The following RPN2 variants were observed in gnomAD, a reference collection of about 807,000 sequenced individuals.
RPN2 encodes the protein dolichyl-diphosphooligosaccharide--protein glycosyltransferase subunit 2.
A neutral mutation model predicts 71.4 loss-of-function variants in RPN2; 29 were observed. The ratio of observed to expected loss-of-function variants is 0.41; its 90% CI spans 0.30 to 0.55. The LOEUF is 0.55. Ranked by LOEUF, RPN2 falls within the 20% of genes least tolerant of loss-of-function variation. The pLI is 0.35. For missense variants in RPN2, 726 were observed against 774.1 expected (o/e 0.94, Z 0.74); for synonymous variants, 308 against 305.0 (o/e 1.01, Z -0.10).
intron 16 of RPN2, among the ~76,000 whole-genome samples, chr20:37,240,626 AG>A (rs938439006): frequency 6.6e-6 from 1 of 152,214 alleles, no homozygotes; most frequent in African/African-American, 2.4e-5. Context: ...CAGTCTGTCT[AG>A]ATTGTCATTT....
Position 37,194,153 on chromosome 20 carries a change from G to A in RPN2, c.208-4244G>A, listed in dbSNP as rs1011976970. On this transcript the variant is annotated intron_variant, in intron 2 of 16. Transcript: ENST00000237530. The stretch of plus-strand genomic sequence containing the variant: ...TGCCACTGGCCTGCTGGGGGCAGAA[G>A]CCAAATTGGAATGAGTGGAGGTGAG... 6.6e-5 allele frequency among the ~76,000 whole-genome samples: 10 copies of A among 152,330 alleles called. No individual in the cohort carries two copies. In the East Asian group the frequency reaches 1.9e-3, roughly 29 times the overall value.
chr20:37,232,490 C>A, intron 14 of RPN2, 99 bp downstream of exon 14: 1 of 1,404,282 alleles, frequency 7.1e-7, no homozygotes, highest in Non-Finnish European at 1.0e-6. Context: ...CTCAGTAAAG[C>A]TCCAGAGGGG....
At chr20:37,221,274 C>A (rs2067950917) in intron 9 of RPN2, among the ~76,000 whole-genome samples, 1 of 150,996 alleles carries the variant, frequency 6.6e-6, no homozygotes, top group Admixed American at 6.6e-5. Context: ...TGGCTCACTG[C>A]AACCTCTGCC....
In RPN2 at chr20:37,210,101, G is replaced by C; in HGVS notation, c.922G>C (p.Glu308Gln). ...QPLTQATVKL[E>Q]HAKSVASRAT... ...TCTGACTCAGGCCACTGTTAAACTA[G>C]AACATGCTAAATCTGTTGCTTCCAG... Residue 308 changes from glutamate to glutamine, a missense_variant, in exon 8 of 17, where the codon GAA becomes CAA. Coordinates refer to ENST00000237530, the MANE Select transcript of RPN2 (RefSeq NM_002951.5). 1 of 1,614,110 alleles carries C rather than the reference G, an allele frequency of 6.2e-7. No individual in the cohort carries two copies. Among genetic ancestry groups the C allele is most frequent in the East Asian group, 2.2e-5 (1 of 44,892 alleles).
At chr20:37,217,399 T>C (rs2342978) in intron 9 of RPN2, among the ~76,000 whole-genome samples, 109,978 of 150,968 alleles carry the variant, frequency 0.73, 40,440 homozygotes, top group Middle Eastern at 0.85. Context: ...TTCAAGTGAT[T>C]TTCCTGCCTC....
At chr20:37,204,973 A>G in intron 6 of RPN2, 72 bp downstream of exon 6, 1 of 1,606,316 alleles carries the variant, frequency 6.2e-7, no homozygotes, top group Non-Finnish European at 8.5e-7. Flanking sequence ...GATGGCTTTT[A>G]TCAGAGAGGA....
chr20:37,239,790 A>C (rs2068504636), intron 16 of RPN2, among the ~76,000 whole-genome samples: 7 of 149,362 alleles, frequency 4.7e-5, no homozygotes, highest in East Asian at 2.0e-4. Flanking sequence ...TCCCACCCCC[A>C]CTCCCTGGCT....
intron 14 of RPN2, 32 bp downstream of exon 14, chr20:37,232,423 C>T: frequency 3.1e-6 from 5 of 1,611,512 alleles, no homozygotes; most frequent in East Asian, 2.2e-5. Flanking sequence ...GGGCAGCATG[C>T]GTCTGGCGCC....
rs1328727989 is a variant in RPN2 at position 37,207,308 on chromosome 20, CAAG to C, written c.732_734del (p.Lys244del). 8.7e-6 allele frequency: 14 copies of C among 1,613,924 alleles called. No individual in the cohort carries two copies. Among genetic ancestry groups the C allele is most frequent in the African/African-American group, 8.0e-5 (6 of 74,940 alleles). On this transcript the variant is annotated inframe_deletion, in exon 7 of 17. Transcript: ENST00000237530. ...TCCAGCTGATGAACGCGATCTTCAG[CAAG>C]AAGAACTTTGAGTCCCTCTCCGAAG... is the stretch of plus-strand genomic sequence containing the variant.
At chr20:37,204,678 A>C in intron 5 of RPN2, 89 bp from the exon 6 acceptor site, 1 of 1,393,720 alleles carries the variant, frequency 7.2e-7, no homozygotes, top group Admixed American at 1.7e-5. Context: ...AGATGTCACG[A>C]AGCTGTCTGC....
intron 9 of RPN2, among the ~76,000 whole-genome samples, chr20:37,218,628 C>G (rs1466829770): frequency 6.6e-6 from 1 of 152,004 alleles, no homozygotes. Flanking sequence ...TGCCACAATG[C>G]CATTCCAGAA....
intron 16 of RPN2, chr20:37,238,411 A>C: frequency 6.2e-7 from 1 of 1,609,260 alleles, no homozygotes; most frequent in Non-Finnish European, 8.5e-7. Flanking sequence ...GGATCGCTGC[A>C]GAGCAGAGCA....
rs548015497 is a variant in RPN2, at chr20:37,204,709, G to A, written c.556-58G>A. The A allele has an allele frequency of 2.1e-5, 33 of 1,599,280 alleles. No individual in the cohort carries two copies. In the East Asian group the frequency reaches 2.2e-4, roughly 11 times the overall value. On this transcript the variant is annotated intron_variant, in intron 5 of 16. Coordinates refer to ENST00000237530, the MANE Select transcript of RPN2 (RefSeq NM_002951.5). ...TCTGCAGTGGGGTTGACAGTGGTTC[G>A]TGCATCTCATTTCTGCTGTTACTTG...
chr20:37,233,047 C>G (rs2068292957), intron 14 of RPN2, among the ~76,000 whole-genome samples: 1 of 151,728 alleles, frequency 6.6e-6, no homozygotes, highest in Non-Finnish European at 1.5e-5. Flanking sequence ...AAGACCCCAT[C>G]TCTACTAAAA....
intron 1 of RPN2, among the ~76,000 whole-genome samples, chr20:37,179,886 T>G (rs545780818): frequency 6.6e-6 from 1 of 152,382 alleles, no homozygotes; most frequent in African/African-American, 2.4e-5. Flanking sequence ...GTATTCATTG[T>G]GTAACCCAAA....
chr20:37,206,196 G>C (rs1481341772), intron 6 of RPN2, among the ~76,000 whole-genome samples: 1 of 152,106 alleles, frequency 6.6e-6, no homozygotes, highest in Non-Finnish European at 1.5e-5. Flanking sequence ...TGCCTTTTAG[G>C]TTCCACTTTT....
At chr20:37,227,734 T>G (rs1281275036) in intron 11 of RPN2, among the ~76,000 whole-genome samples, 1 of 152,232 alleles carries the variant, frequency 6.6e-6, no homozygotes, top group Admixed American at 6.5e-5. Context: ...AAAGAAAAGC[T>G]CTGGGTAGTT....
At chr20:37,228,878 C>A in intron 12 of RPN2, 134 bp downstream of exon 12, 1 of 793,448 alleles carries the variant, frequency 1.3e-6, no homozygotes, top group South Asian at 1.5e-5. Context: ...GGAGGTGAGG[C>A]ACTGTGTGCA....
intron 2 of RPN2, among the ~76,000 whole-genome samples, chr20:37,191,632 G>T (rs916888985): frequency 1.2e-4 from 19 of 152,060 alleles, no homozygotes; most frequent in African/African-American, 4.1e-4. Flanking sequence ...GCTGGGCGTG[G>T]TGGCGGGTGC....
Sources: allele counts gnomAD v4.1 joint callset (sites outside exome capture counted in the v4.1 genomes callset), GRCh38; gene constraint gnomAD v4.1.1; transcripts MANE v1.5; gene names NCBI Gene and HGNC (gene_info 2026-07-23, HGNC 2026-07-21).